The following ZNF616 variants were observed in gnomAD, a reference collection of about 807,000 sequenced individuals.
The protein encoded by ZNF616 is zinc finger protein 616.
ZNF616 carries 5 observed loss-of-function variants against 7.6 expected under a neutral mutation model. The observed-to-expected ratio is 0.66, with a 90% CI of 0.34 to 1.38. ZNF616 has a LOEUF of 1.38. ZNF616 is among the 40% of genes most tolerant of loss of function. The probability of loss-of-function intolerance (pLI) is 0.04; values close to 1 mark genes in which losing one functional copy is unlikely to be tolerated. For missense variants in ZNF616, 913 were observed against 948.3 expected, an observed-to-expected ratio of 0.96 and a Z score of 0.49; for synonymous variants, 319 against 317.2, an observed-to-expected ratio of 1.01 and a Z score of -0.06.
rs2088885982 is a variant in ZNF616 at position 52,124,111 on chromosome 19, G to A, written c.13-62C>T. The stretch of plus-strand genomic sequence containing the variant: ...GAGAGCTCTTCTGTTTACACAAAAT[G>A]AGGAGAGAACTATCACATCACTTTG... On this transcript the variant is annotated intron_variant, in intron 2 of 3. Transcript: ENST00000600228. 27 of 1,542,278 alleles carry A rather than the reference G, an allele frequency of 1.8e-5. 1 individual carries two copies. The South Asian group carries it at 3.3e-4, about 19-fold the overall frequency.
intron 2 of ZNF616, among the ~76,000 whole-genome samples, chr19:52,127,005 G>T (rs1482819577): frequency 6.6e-6 from 1 of 151,536 alleles, no homozygotes; most frequent in Non-Finnish European, 1.5e-5. Flanking sequence ...TGACATAAAG[G>T]CCTGCAACTG....
Position 52,114,828 on chromosome 19 carries a change from G to C in ZNF616, c.2336C>G (p.Thr779Arg), listed in dbSNP as rs1031761345. The C allele has an allele frequency of 6.3e-6, 10 of 1,578,346 alleles. No homozygotes were observed. The East Asian group carries it at 1.3e-4, about 21-fold the overall frequency. Residue 779 changes from threonine (T) to arginine (R), a missense_variant, in exon 4 of 4, where the codon ACA (threonine) becomes AGA (arginine). Transcript: ENST00000600228. ...GESLTTKLNV[T>R]RP ...AAACTAGGACAACGTCTAAGGCCTT[G>C]TCACATTGAGTTTAGTTGTAAGGCT...
At position 52,115,522 on chromosome 19, in the gene ZNF616, G is replaced by A; in HGVS notation, c.1642C>T (p.Pro548Ser). Residue 548 changes from proline to serine, a missense_variant, in exon 4 of 4, where the codon CCT (proline) becomes TCT (serine). Physicochemically the swap from Pro to Ser is moderately conservative, Grantham distance 74. Coordinates refer to ENST00000600228, the MANE Select transcript of ZNF616 (RefSeq NM_178523.5). ...RHRRIHTGEK[P>S]YKCKECGKVF... ...TTGCCACATTCTTTGCATTTGTAAG[G>A]CTTCTCTCCAGTATGAATTCTCCGA... 6.2e-7 allele frequency: 1 copy of A among 1,613,884 alleles called. No individual in the cohort carries two copies. The highest frequency in any genetic ancestry group is 2.2e-5 in the East Asian group (1 of 44,860).
rs755795948 is a variant in ZNF616 at position 52,139,544 on chromosome 19, T to C, written c.-77+188A>G. On this transcript the variant is annotated intron_variant, in intron 1 of 3. Transcript: ENST00000600228. The surrounding 1 kb of genome is among the most constrained non-coding windows in gnomAD (Gnocchi z 4.1). ...GGCGAAGCTCGGGGGTCTCGACTGG[T>C]GGGAATCCACCTCGCGAGGGAGGAC... 5.5e-4 allele frequency among the ~76,000 whole-genome samples: 83 copies of C among 151,920 alleles called. No individual in the cohort carries two copies. Among genetic ancestry groups the C allele is most frequent in the Non-Finnish European group, 8.7e-4 (59 of 67,942 alleles).
chr19:52,129,215 G>A (rs2088936709), intron 2 of ZNF616, among the ~76,000 whole-genome samples: 1 of 152,130 alleles, frequency 6.6e-6, no homozygotes, highest in Non-Finnish European at 1.5e-5. Flanking sequence ...GGAGACAGAG[G>A]TTGCAGTGAG....
chr19:52,136,079 G>A (rs998636964), intron 1 of ZNF616, among the ~76,000 whole-genome samples: 4 of 138,788 alleles, frequency 2.9e-5, no homozygotes, highest in East Asian at 2.3e-4. Flanking sequence ...GTAGTGAGCC[G>A]AGATGGCGCC....
chr19:52,119,173 T>C (rs1264172846), intron 3 of ZNF616, among the ~76,000 whole-genome samples: 6 of 151,874 alleles, frequency 4.0e-5, no homozygotes, highest in African/African-American at 1.5e-4. Context: ...GGTCAGGAGT[T>C]CAAGACCAGC....
chr19:52,123,973 G>A lies in ZNF616; in HGVS notation c.89C>T (p.Ala30Val). 2 of 1,614,110 alleles carry A rather than the reference G, an allele frequency of 1.2e-6. No homozygotes were observed. The highest frequency in any genetic ancestry group is 8.5e-7 in the Non-Finnish European group (1 of 1,179,986). Residue 30 changes from alanine to valine, a missense_variant, in exon 3 of 4, where the codon GCT (alanine) becomes GTT (valine). Physicochemically the swap from Ala to Val is moderately conservative, Grantham distance 64. Coordinates refer to ENST00000600228, the MANE Select transcript of ZNF616 (RefSeq NM_178523.5). ...CTCCAACATCACATCCTTGTACAAA[G>A]CTTTCTGCACAGGCTCCAGGCATTT... is the stretch of plus-strand genomic sequence containing the variant. ...EWKCLEPVQK[A>V]LYKDVMLENY...
chr19:52,117,366 A>G (rs996936254), intron 3 of ZNF616, among the ~76,000 whole-genome samples: 7 of 152,194 alleles, frequency 4.6e-5, no homozygotes, highest in African/African-American at 1.7e-4. Context: ...TGGCTCTCTC[A>G]TAAGAGAATA....
rs569986580 is a variant in ZNF616 at position 52,133,558 on chromosome 19, G to A, written c.-76-2970C>T. ...GTGTGAGACAGAGTCTCGCTCTGTC[G>A]CCTAGGCTGGAGTGCAATGGCACGA... is the stretch of plus-strand genomic sequence containing the variant. On this transcript the variant is annotated intron_variant, in intron 1 of 3. Transcript: ENST00000600228. 2.0e-4 allele frequency among the ~76,000 whole-genome samples: 31 copies of A among 152,078 alleles called. No homozygotes were observed. The South Asian group carries it at 2.7e-3, about 13-fold the overall frequency.
chr19:52,117,920 C>G (rs1169137569), intron 3 of ZNF616, among the ~76,000 whole-genome samples: 1 of 152,092 alleles, frequency 6.6e-6, no homozygotes, highest in Non-Finnish European at 1.5e-5. Flanking sequence ...ACCTATGTAA[C>G]AATCAATAGA....
At chr19:52,124,949 G>A (rs2088893328) in intron 2 of ZNF616, among the ~76,000 whole-genome samples, 1 of 152,118 alleles carries the variant, frequency 6.6e-6, no homozygotes, top group Non-Finnish European at 1.5e-5. Flanking sequence ...CGTAGGATAA[G>A]CGTTTTGATA....
chr19:52,124,468 C>T (rs900354001), intron 2 of ZNF616, among the ~76,000 whole-genome samples: 5 of 152,200 alleles, frequency 3.3e-5, no homozygotes, highest in African/African-American at 1.2e-4. Context: ...AGTTTTGGAA[C>T]ACTCCCCACG....
chr19:52,135,910 CTT>C (rs2122175621), intron 1 of ZNF616, among the ~76,000 whole-genome samples: 1 of 152,106 alleles, frequency 6.6e-6, no homozygotes, highest in South Asian at 2.1e-4. Context: ...AGGCAGATCT[CTT>C]GAGGCCAGGA....
In ZNF616 at chr19:52,115,103, T is replaced by A; in HGVS notation, c.2061A>T (p.Lys687Asn). ...TGCCACATTCATCACATTTATATGG[T>A]TTCTTTCCTGCATGAATTATCTGAT... ...TAHQIIHAGK[K>N]PYKCDECGKV... is the part of the protein sequence containing the mutation. The change falls in exon 4 of 4, where the codon AAA (lysine) becomes AAT (asparagine). Residue 687 changes from lysine to asparagine, a missense_variant. By Grantham distance (94) the Lys-to-Asn change is moderately conservative (BLOSUM62 0). Transcript: ENST00000600228. 1 of 1,614,034 alleles carries A rather than the reference T, an allele frequency of 6.2e-7. No individual in the cohort carries two copies. The highest frequency in any genetic ancestry group is 1.7e-4 in the Middle Eastern group (1 of 6,060).
At chr19:52,137,283 C>T (rs955565506) in intron 1 of ZNF616, among the ~76,000 whole-genome samples, 3 of 151,400 alleles carry the variant, frequency 2.0e-5, no homozygotes, top group Non-Finnish European at 4.4e-5. Context: ...ATTAGCCGGG[C>T]GTGGTGGCGG....
chr19:52,130,732 C>T, intron 1 of ZNF616, 144 bp from the exon 2 acceptor site: 1 of 628,726 alleles, frequency 1.6e-6, no homozygotes, highest in Non-Finnish European at 2.7e-6. Context: ...AATTCCTACA[C>T]AAAGACCAAG....
chr19:52,132,159 G>A (rs1046116076), intron 1 of ZNF616, among the ~76,000 whole-genome samples: 1 of 152,122 alleles, frequency 6.6e-6, no homozygotes, highest in Non-Finnish European at 1.5e-5. Context: ...TCTATATAAT[G>A]TCATATCTTC....
Position 52,114,996 on chromosome 19 carries a change from C to G in ZNF616, c.2168G>C (p.Gly723Ala), listed in dbSNP as rs761024812. 1 of 1,614,178 alleles carries G rather than the reference C, an allele frequency of 6.2e-7. No individual in the cohort carries two copies. The highest frequency in any genetic ancestry group is 1.7e-5 in the Admixed American group (1 of 60,022). The change falls in exon 4 of 4, where the codon GGC becomes GCC. Residue 723 changes from glycine to alanine, a missense_variant. By Grantham distance (60) the Gly-to-Ala change is moderately conservative. Coordinates refer to ENST00000600228, the MANE Select transcript of ZNF616 (RefSeq NM_178523.5). ...GEKRYKCIECGKAFGRLFSLS... is the reference protein window; with the variant it reads ...GEKRYKCIECAKAFGRLFSLS... ...GGAAAACAACCGCCCAAAGGCTTTG[C>G]CACATTCAATACATTTGTATCTTTT...
Sources: allele counts gnomAD v4.1 joint callset (sites outside exome capture counted in the v4.1 genomes callset), GRCh38; gene constraint gnomAD v4.1.1; non-coding constraint Gnocchi (gnomAD v3.1); transcripts MANE v1.5; gene names NCBI Gene and HGNC (gene_info 2026-07-23, HGNC 2026-07-21).